The following DTNB variants were observed in gnomAD, a reference collection of about 807,000 sequenced individuals.
DTNB encodes DTN-B.
A neutral mutation model predicts 90.7 loss-of-function variants in DTNB; 63 were observed. The observed-to-expected ratio is 0.69, with a 90% CI of 0.57 to 0.86. DTNB has a LOEUF of 0.86. DTNB is among the 40% of genes least tolerant of loss of function. The pLI is 0.00. For synonymous variants in DTNB, 277 were observed against 286.7 expected (o/e 0.97, Z 0.34); for missense variants, 744 against 807.1 (o/e 0.92, Z 0.95).
At chr2:25,377,913 T>C (rs990981931) in intron 20 of DTNB, among the ~76,000 whole-genome samples, 4 of 152,148 alleles carry the variant, frequency 2.6e-5, no homozygotes, top group African/African-American at 9.7e-5. Flanking sequence ...TGGGCATCCA[T>C]GAATCCGCGG....
intron 16 of DTNB, among the ~76,000 whole-genome samples, chr2:25,413,673 T>TC (rs1450945164): frequency 6.6e-6 from 1 of 151,832 alleles, no homozygotes; most frequent in Non-Finnish European, 1.5e-5. Flanking sequence ...CATTGTTGGT[T>TC]CCAAGTCTTT....
intron 2 of DTNB, among the ~76,000 whole-genome samples, chr2:25,648,641 T>C (rs190126931): frequency 8.5e-5 from 13 of 152,202 alleles, no homozygotes; most frequent in African/African-American, 3.1e-4. Context: ...AATGGCAGAG[T>C]TGAGTAGTGT....
chr2:25,383,674 A>G, intron 19 of DTNB, 162 bp downstream of exon 19: 2 of 1,480,452 alleles, frequency 1.4e-6, no homozygotes, highest in Non-Finnish European at 1.8e-6. Context: ...CCTGGAAGGT[A>G]AAACCTGACT....
intron 9 of DTNB, among the ~76,000 whole-genome samples, chr2:25,492,707 G>A (rs1180623692): frequency 6.6e-6 from 1 of 152,134 alleles, no homozygotes; most frequent in African/African-American, 2.4e-5. Flanking sequence ...ACATTAGCTG[G>A]TTTTGGTGGT....
At chr2:25,568,532 C>A (rs1035140326) in intron 8 of DTNB, among the ~76,000 whole-genome samples, 3 of 151,782 alleles carry the variant, frequency 2.0e-5, no homozygotes, top group Non-Finnish European at 4.4e-5. Context: ...AAAAAACTAA[C>A]CTATTTAAAT....
rs66917623 is a variant in DTNB, at chr2:25,387,418, G to A, written c.1736-40C>T. ...AGCAGATGGGGATGCCAGGGTGGGTGAGCGTGGAGAAGAGACGGCTGAGCA... is the reference window on the plus strand; with the variant it reads ...AGCAGATGGGGATGCCAGGGTGGGTAAGCGTGGAGAAGAGACGGCTGAGCA... On this transcript the variant is annotated intron_variant, in intron 17 of 20. Transcript: ENST00000406818. The surrounding 1 kb of genome is among the most constrained non-coding windows in gnomAD (Gnocchi z 4.5). The A allele has an allele frequency of 3.1e-6, 5 of 1,591,714 alleles. No homozygotes were observed. Among genetic ancestry groups the A allele is most frequent in the East Asian group, 2.2e-5 (1 of 44,534 alleles).
intron 9 of DTNB, among the ~76,000 whole-genome samples, chr2:25,488,442 GAAGAT>G (rs2066656931): frequency 6.6e-6 from 1 of 152,162 alleles, no homozygotes; most frequent in South Asian, 2.1e-4. Flanking sequence ...GAATGAGCAG[GAAGAT>G]AAGAGTGAAT....
chr2:25,438,649 A>G (rs1323397706), intron 12 of DTNB, among the ~76,000 whole-genome samples: 3 of 152,242 alleles, frequency 2.0e-5, no homozygotes, highest in Admixed American at 6.5e-5. Flanking sequence ...CAAATAAGGT[A>G]TGGACATACT....
Position 25,467,833 on chromosome 2 carries a change from T to C in DTNB, c.1080-12339A>G, listed in dbSNP as rs2062077004. ...TAAATATTTTAGGCTTTGTAGGCCA[T>C]AAGGTTTCTGTTGCAGCTACTCAGT... On this transcript the variant is annotated intron_variant, in intron 10 of 20. Transcript: ENST00000406818. 3.9e-5 allele frequency among the ~76,000 whole-genome samples: 6 copies of C among 152,158 alleles called. No individual in the cohort carries two copies. In the South Asian group the frequency reaches 1.2e-3, roughly 32 times the overall value.
chr2:25,504,486 ACAAGAAAGAAGGAAAGAAGGAAAGG>A (rs1249126150), intron 9 of DTNB, among the ~76,000 whole-genome samples: 4 of 149,548 alleles, frequency 2.7e-5, no homozygotes, highest in South Asian at 2.1e-4. Flanking sequence ...AGAAGGAAAG[ACAAGAAAGAAGGAAAGAAGGAAAGG>A]CAAGAAAGAA....
chr2:25,403,725 C>T (rs764169804), intron 16 of DTNB, among the ~76,000 whole-genome samples: 1 of 152,216 alleles, frequency 6.6e-6, no homozygotes, highest in African/African-American at 2.4e-5. Context: ...CAATGACACT[C>T]TGCACTTTGT....
intron 9 of DTNB, among the ~76,000 whole-genome samples, chr2:25,486,401 G>A (rs2066151503): frequency 6.6e-6 from 1 of 152,094 alleles, no homozygotes; most frequent in South Asian, 2.1e-4. Flanking sequence ...GGAGGTTGAG[G>A]TTTCAGTGAA....
intron 9 of DTNB, among the ~76,000 whole-genome samples, chr2:25,491,994 T>C (rs747906332): frequency 1.4e-4 from 22 of 152,044 alleles, no homozygotes; most frequent in Non-Finnish European, 2.5e-4. Flanking sequence ...CGAGGCAGTG[T>C]GGCTCTGAGT....
At chr2:25,404,235 A>T (rs2044465468) in intron 16 of DTNB, among the ~76,000 whole-genome samples, 1 of 152,190 alleles carries the variant, frequency 6.6e-6, no homozygotes, top group Non-Finnish European at 1.5e-5. Flanking sequence ...ACCAAACGGG[A>T]TGTAACAGGT....
At position 25,432,975 on chromosome 2, in the gene DTNB, A is replaced by G; in HGVS notation, c.1368T>C (p.Arg456=). 5 of 1,609,510 alleles carry G rather than the reference A, an allele frequency of 3.1e-6. No individual in the cohort carries two copies. Among genetic ancestry groups the G allele is most frequent in the Middle Eastern group, 1.7e-4 (1 of 6,056 alleles). ...AGGCCTGCTCGTGTTCCAGGCGGAG[A>G]CGCTGAATCTCCTGCAGGATCTCTC... ...KNREILQEIQ[R]LRLEHEQASQ... The change falls in exon 14 of 21, where the codon CGT becomes CGC. Residue 456 remains arginine, a synonymous_variant. Coordinates refer to ENST00000406818, the MANE Select transcript of DTNB (RefSeq NM_021907.5).
At chr2:25,506,785 C>A (rs1264332660) in intron 9 of DTNB, among the ~76,000 whole-genome samples, 1 of 152,132 alleles carries the variant, frequency 6.6e-6, no homozygotes, top group Non-Finnish European at 1.5e-5. Context: ...GGGAAACCTG[C>A]ACCCAACAAT....
At chr2:25,566,477 T>G (rs929190028) in intron 8 of DTNB, among the ~76,000 whole-genome samples, 12 of 152,348 alleles carry the variant, frequency 7.9e-5, no homozygotes, top group Non-Finnish European at 1.5e-4. Context: ...TAGTAATTTT[T>G]TAATGCAAAA....
At chr2:25,415,135 G>A (rs1300513109) in intron 16 of DTNB, among the ~76,000 whole-genome samples, 1 of 151,764 alleles carries the variant, frequency 6.6e-6, no homozygotes, top group African/African-American at 2.4e-5. Flanking sequence ...TAAAGTAACA[G>A]TTATTGCCCA....
At chr2:25,617,203 CA>C (rs1443284300) in intron 4 of DTNB, among the ~76,000 whole-genome samples, 1 of 152,024 alleles carries the variant, frequency 6.6e-6, no homozygotes, top group Non-Finnish European at 1.5e-5. Context: ...GGATATGCAC[CA>C]AAGTGTCAAT....
Sources: gnomAD v4.1 joint callset for allele counts (sites outside exome capture counted in the v4.1 genomes callset) on GRCh38, gnomAD v4.1.1 for gene constraint, Gnocchi (gnomAD v3.1) non-coding constraint, MANE v1.5 for transcripts, NCBI Gene and HGNC (gene_info 2026-07-23, HGNC 2026-07-21) for gene names.